Variants in NPAS3 observed in about 807,000 individuals in gnomAD.
NPAS3 encodes neuronal PAS domain protein 3, also known as neuronal PAS domain-containing protein 3.
Under a neutral mutation model 73.1 loss-of-function variants are expected in NPAS3, and 14 were observed. The ratio of observed to expected loss-of-function variants is 0.19; its 90% CI spans 0.13 to 0.30. The LOEUF is 0.30. Ranked by LOEUF, NPAS3 falls within the 10% of genes least tolerant of loss-of-function variation. The pLI is 1.00. For synonymous variants in NPAS3, 620 were observed against 541.5 expected, an observed-to-expected ratio of 1.14 and a Z score of -2.01; for missense variants, 1,096 against 1,250.0, an observed-to-expected ratio of 0.88 and a Z score of 1.86.
At chr14:33,088,865 AGCAATATTTGCTGTTCT>A (rs1214389766) in intron 2 of NPAS3, among the ~76,000 whole-genome samples, 1 of 151,522 alleles carries the variant, frequency 6.6e-6, no homozygotes, top group Non-Finnish European at 1.5e-5. Flanking sequence ...TTTGCTGTTC[AGCAATATTTGCTGTTCT>A]GCAGCCTCTG....
At chr14:33,092,605 T>C (rs1427466806) in intron 2 of NPAS3, among the ~76,000 whole-genome samples, 1 of 152,176 alleles carries the variant, frequency 6.6e-6, no homozygotes, top group Admixed American at 6.5e-5. Flanking sequence ...CTTCACAGAA[T>C]TGGAAAAAAC....
At chr14:33,359,732 T>A (rs2045505536) in intron 3 of NPAS3, among the ~76,000 whole-genome samples, 1 of 152,194 alleles carries the variant, frequency 6.6e-6, no homozygotes, top group Non-Finnish European at 1.5e-5. Flanking sequence ...GTATTAAACT[T>A]TGCAAAGTTA....
intron 2 of NPAS3, among the ~76,000 whole-genome samples, chr14:33,111,994 T>C (rs2138970546): frequency 1.3e-5 from 2 of 152,290 alleles, no homozygotes; most frequent in Non-Finnish European, 2.9e-5. Context: ...ACAAAGGACA[T>C]GGACTCATCA....
intron 5 of NPAS3, among the ~76,000 whole-genome samples, chr14:33,577,460 C>G (rs1327566455): frequency 6.6e-6 from 1 of 152,114 alleles, no homozygotes; most frequent in Admixed American, 6.5e-5. Flanking sequence ...GGTTTCAGAG[C>G]ACGTTCCTAT....
intron 7 of NPAS3, among the ~76,000 whole-genome samples, chr14:33,745,677 A>G (rs2061770211): frequency 6.6e-6 from 1 of 152,244 alleles, no homozygotes; most frequent in Admixed American, 6.5e-5. Flanking sequence ...GAAAAGTAGT[A>G]ATTCATCAGT....
chr14:33,153,203 G>T (rs1431957685), intron 2 of NPAS3, among the ~76,000 whole-genome samples: 1 of 151,444 alleles, frequency 6.6e-6, no homozygotes, highest in Non-Finnish European at 1.5e-5. Flanking sequence ...TTTCTTGCAA[G>T]TTACCATTTT....
chr14:33,038,357 G>A (rs974572757), intron 1 of NPAS3, among the ~76,000 whole-genome samples: 5 of 152,076 alleles, frequency 3.3e-5, no homozygotes, highest in African/African-American at 1.2e-4. Flanking sequence ...TAATGATTAG[G>A]TGGAGAAATA....
intron 4 of NPAS3, among the ~76,000 whole-genome samples, chr14:33,370,101 C>T (rs1317246450): frequency 6.6e-6 from 1 of 152,158 alleles, no homozygotes; most frequent in East Asian, 1.9e-4. Context: ...TAACACTCCC[C>T]TTCATCCCCC....
intron 5 of NPAS3, chr14:33,578,306 G>T: frequency 2.2e-6 from 1 of 446,358 alleles, no homozygotes; most frequent in East Asian, 7.0e-5. Context: ...TGATTCTCCT[G>T]CCTCAGCCTC....
intron 5 of NPAS3, among the ~76,000 whole-genome samples, chr14:33,674,992 C>CAGGTGGAATCTGGAGGGATGCTGGAA (rs2059718958): frequency 6.6e-6 from 1 of 152,084 alleles, no homozygotes; most frequent in East Asian, 1.9e-4. Context: ...TGCAGGCACG[C>CAGGTGGAATCTGGAGGGATGCTGGAA]AGGTGGAATC....
intron 2 of NPAS3, among the ~76,000 whole-genome samples, chr14:33,178,939 A>G (rs1019289030): frequency 2.6e-5 from 4 of 152,190 alleles, no homozygotes; most frequent in African/African-American, 9.7e-5. Flanking sequence ...GTGTGATGCT[A>G]GCTGCACATT....
intron 2 of NPAS3, among the ~76,000 whole-genome samples, chr14:33,177,986 C>G (rs1018152028): frequency 6.6e-6 from 1 of 151,966 alleles, no homozygotes; most frequent in Non-Finnish European, 1.5e-5. Context: ...TTGGGAGCCC[C>G]TTACACTTCC....
At chr14:33,768,128 C>A (rs2062524795) in intron 7 of NPAS3, among the ~76,000 whole-genome samples, 1 of 152,178 alleles carries the variant, frequency 6.6e-6, no homozygotes. Context: ...ACATTTTTAT[C>A]AAAGATGATG....
chr14:33,006,146 C>T (rs1037946384), intron 1 of NPAS3, among the ~76,000 whole-genome samples: 14 of 152,166 alleles, frequency 9.2e-5, no homozygotes, highest in Non-Finnish European at 1.6e-4. Context: ...CAGTGCTTCC[C>T]TGCTTCTCCC....
chr14:33,747,749 T>C (rs2061847991), intron 7 of NPAS3, among the ~76,000 whole-genome samples: 1 of 152,228 alleles, frequency 6.6e-6, no homozygotes, highest in Non-Finnish European at 1.5e-5. Flanking sequence ...AAGTTATCCC[T>C]TGACTTACAG....
At chr14:33,417,895 G>T (rs1376255121) in intron 4 of NPAS3, among the ~76,000 whole-genome samples, 1 of 151,956 alleles carries the variant, frequency 6.6e-6, no homozygotes, top group African/African-American at 2.4e-5. Context: ...AACTTGTATT[G>T]ACAGAGGACT....
intron 5 of NPAS3, among the ~76,000 whole-genome samples, chr14:33,613,641 C>T (rs532049964): frequency 6.6e-6 from 1 of 152,240 alleles, no homozygotes; most frequent in South Asian, 2.1e-4. Flanking sequence ...GCTTCCACTG[C>T]ACCAGCCTTC....
chr14:33,000,166 T>G (rs780558184), intron 1 of NPAS3, among the ~76,000 whole-genome samples: 2 of 152,008 alleles, frequency 1.3e-5, no homozygotes, highest in Admixed American at 6.6e-5. Flanking sequence ...TAAAATGTTT[T>G]ATTTTTATTT....
intron 1 of NPAS3, among the ~76,000 whole-genome samples, chr14:32,975,586 C>T (rs1424846476): frequency 2.0e-5 from 3 of 152,276 alleles, no homozygotes; most frequent in East Asian, 3.9e-4. Context: ...TATAAGGAAA[C>T]ATCTTTGCTA....
Sources: allele counts gnomAD v4.1 joint callset (sites outside exome capture counted in the v4.1 genomes callset), GRCh38; gene constraint gnomAD v4.1.1; transcripts MANE v1.5; gene names NCBI Gene and HGNC (gene_info 2026-07-23, HGNC 2026-07-21).